The following MYO1E variants were observed in gnomAD, a reference collection of about 807,000 sequenced individuals.
MYO1E encodes the protein unconventional myosin-Ie.
In MYO1E, 68 loss-of-function variants were observed where a neutral mutation model predicts 151.1. The ratio of observed to expected loss-of-function variants is 0.45; its 90% confidence interval spans 0.37 to 0.55. The LOEUF is 0.55. Among genes scored for constraint, MYO1E ranks in the 20% least tolerant of loss-of-function variants. The pLI is 0.00. For missense variants in MYO1E, 1,363 were observed against 1,389.3 expected (o/e 0.98, Z 0.30); for synonymous variants, 601 against 501.7 (o/e 1.20, Z -2.64).
chr15:59,177,134 G>T (rs144999276), intron 19 of MYO1E, among the ~76,000 whole-genome samples: 1 of 152,138 alleles, frequency 6.6e-6, no homozygotes, highest in African/African-American at 2.4e-5. Flanking sequence ...GAAAGAACAG[G>T]AACTGTTCTG....
chr15:59,372,270 C>T (rs2080950880), intron 1 of MYO1E, among the ~76,000 whole-genome samples: 2 of 152,186 alleles, frequency 1.3e-5, no homozygotes, highest in Non-Finnish European at 1.5e-5. Context: ...GAAAGTTTCG[C>T]GACGCAGAAA....
In MYO1E at chr15:59,238,186, C is replaced by A. The variant is rs1293425490; in HGVS notation, c.333-1514G>T. Among the ~76,000 whole-genome samples, 2 of 152,186 alleles carry A rather than the reference C, an allele frequency of 1.3e-5. 1 individual carries two copies. The highest frequency in any genetic ancestry group is 2.9e-5 in the Non-Finnish European group (2 of 68,046). On this transcript the variant is annotated intron_variant, in intron 4 of 27. Coordinates refer to ENST00000288235, the MANE Select transcript of MYO1E (RefSeq NM_004998.4). ...CAACTAGGTCGGGCAAATTCAACTC[C>A]ATGGGGAAATTATCTTTTCAAATGG... is the stretch of plus-strand genomic sequence containing the variant.
chr15:59,256,835 G>C (rs1300373964), intron 3 of MYO1E, among the ~76,000 whole-genome samples: 1 of 152,138 alleles, frequency 6.6e-6, no homozygotes, highest in African/African-American at 2.4e-5. Context: ...TTTTCTAAGA[G>C]GCCACGTTGT....
rs2079710355 is a variant in MYO1E at position 59,188,153 on chromosome 15, A to G, written c.1869T>C (p.Tyr623=). The change falls in exon 18 of 28, where the codon TAT becomes TAC. Residue 623 remains tyrosine, a synonymous_variant. Coordinates refer to ENST00000288235, the MANE Select transcript of MYO1E (RefSeq NM_004998.4). ...ATTTTTGGAAGATGCGCCGATAGGC[A>G]TAGCCAGCTCTTCTCACTCGAATGT... The part of the protein sequence containing the change: ...KENIRVRRAG[Y]AYRRIFQKFL... 1 of 1,614,180 alleles carries G rather than the reference A, an allele frequency of 6.2e-7. No individual in the cohort carries two copies. The highest frequency in any genetic ancestry group is 1.1e-5 in the South Asian group (1 of 91,086).
rs1446646567 is a variant in MYO1E, at chr15:59,134,524, GTAGA to G, written c.*2852_*2855del. On this transcript the variant is annotated 3_prime_UTR_variant, in exon 28 of 28. Coordinates refer to ENST00000288235, the MANE Select transcript of MYO1E (RefSeq NM_004998.4). The stretch of plus-strand genomic sequence containing the variant: ...CTCTCTGTCTCACAGACGGCCATCA[GTAGA>G]GTGGATACCACCCTTATACAGACCT... The G allele has an allele frequency of 2.0e-5, 3 of 152,228 alleles. No individual in the cohort carries two copies. Among genetic ancestry groups the G allele is most frequent in the Non-Finnish European group, 2.9e-5 (2 of 68,078 alleles). 9.4% of individuals were successfully genotyped at this position (152,228 alleles called of 1,614,324 possible).
At chr15:59,341,438 A>T (rs779895491) in intron 1 of MYO1E, 1 of 151,994 alleles carries the variant, frequency 6.6e-6, no homozygotes. Flanking sequence ...GCTCTTATTC[A>T]TTCTATTATT....
intron 3 of MYO1E, among the ~76,000 whole-genome samples, chr15:59,259,675 T>C (rs1327367921): frequency 6.6e-6 from 1 of 152,246 alleles, no homozygotes; most frequent in East Asian, 1.9e-4. Context: ...GGGAAAGTCA[T>C]TGCCCAGTAA....
At chr15:59,360,208 T>G (rs1175734134) in intron 1 of MYO1E, among the ~76,000 whole-genome samples, 2 of 152,152 alleles carry the variant, frequency 1.3e-5, no homozygotes, top group African/African-American at 4.8e-5. Flanking sequence ...CCTGTACAAG[T>G]CCTGGGCACG....
Position 59,224,537 on chromosome 15 carries a change from A to G in MYO1E, c.777+152T>C, listed in dbSNP as rs1224882201. The G allele has an allele frequency of 2.4e-5, 25 of 1,025,626 alleles. No homozygotes were observed. The Middle Eastern group carries it at 9.2e-4, about 38-fold the overall frequency. 63.5% of individuals were successfully genotyped at this position (1,025,626 alleles called of 1,614,324 possible). A position where few individuals can be genotyped will look rare whatever the true frequency, so the allele number is the denominator to read the frequency against. On this transcript the variant is annotated intron_variant, in intron 8 of 27. Transcript: ENST00000288235. ...AACTGGCACATGGCTGTTTAAGGAT[A>G]CTGAAACATGTATGAGCATACAGAG...
In MYO1E at chr15:59,207,265, G is replaced by A. The variant is rs780812705; in HGVS notation, c.1530+1416C>T. Reference sequence around the variant, plus strand: ...GGATCTTGATGAAGACAAACTGAAGGGTGAGACGATGGATCTTCAACATGG... The same window carrying A: ...GGATCTTGATGAAGACAAACTGAAGAGTGAGACGATGGATCTTCAACATGG... On this transcript the variant is annotated intron_variant, in intron 14 of 27. Coordinates refer to ENST00000288235, the MANE Select transcript of MYO1E (RefSeq NM_004998.4). 2.7e-5 allele frequency: 43 copies of A among 1,614,156 alleles called. No homozygotes were observed. Among genetic ancestry groups the A allele is most frequent in the Non-Finnish European group, 3.6e-5 (43 of 1,180,030 alleles).
At chr15:59,216,929 TTC>T (rs200906063) in intron 10 of MYO1E, among the ~76,000 whole-genome samples, 2,231 of 151,556 alleles carry the variant, frequency 0.015, 53 homozygotes, top group African/African-American at 0.052. Flanking sequence ...TTCTTGCTCA[TTC>T]TCTCTTTCAG....
intron 15 of MYO1E, among the ~76,000 whole-genome samples, chr15:59,204,306 G>A (rs1037920902): frequency 6.6e-6 from 1 of 152,210 alleles, no homozygotes; most frequent in East Asian, 1.9e-4. Context: ...AGAAGTAAAC[G>A]GAGCAGAACA....
chr15:59,321,002 C>T (rs1183118864), intron 1 of MYO1E, among the ~76,000 whole-genome samples: 5 of 152,058 alleles, frequency 3.3e-5, no homozygotes, highest in Non-Finnish European at 7.4e-5. Flanking sequence ...AAAAAACAAA[C>T]AATCCCATTA....
At chr15:59,277,558 A>ACAACAAC (rs553908579) in intron 1 of MYO1E, among the ~76,000 whole-genome samples, 4 of 118,466 alleles carry the variant, frequency 3.4e-5, no homozygotes, top group African/African-American at 8.7e-5. Flanking sequence ...CAAAAAAAAA[A>ACAACAAC]AAAAAAAAAA....
chr15:59,289,263 T>G (rs2140395426), intron 1 of MYO1E, among the ~76,000 whole-genome samples: 1 of 152,310 alleles, frequency 6.6e-6, no homozygotes, highest in African/African-American at 2.4e-5. Flanking sequence ...AAGGCACTAT[T>G]TTGGATGCTT....
chr15:59,136,717 C>A lies in MYO1E; in HGVS notation c.*663G>T, dbSNP rs888769173. 11 of 456,528 alleles carry A rather than the reference C, an allele frequency of 2.4e-5. No individual in the cohort carries two copies. Among genetic ancestry groups the A allele is most frequent in the Non-Finnish European group, 4.4e-5 (10 of 226,834 alleles). The allele number at this position is 456,528 out of a possible 1,614,324, so 28.3% of individuals were successfully genotyped here. A position where few individuals can be genotyped will look rare whatever the true frequency, so the allele number is the denominator to read the frequency against. On this transcript the variant is annotated 3_prime_UTR_variant, in exon 28 of 28. Coordinates refer to ENST00000288235, the MANE Select transcript of MYO1E (RefSeq NM_004998.4). ...CAAACCAATATGGGCCAGCCACATT[C>A]TAATTGAAGACCCAGAGAAAGCAAA...
In MYO1E at chr15:59,143,914, G is replaced by A. The variant is rs539157098; in HGVS notation, c.3081-5547C>T. 1.3e-3 allele frequency among the ~76,000 whole-genome samples: 194 copies of A among 152,188 alleles called. 1 individual carries two copies. The highest frequency in any genetic ancestry group is 8.4e-4 in the Non-Finnish European group (57 of 68,012). On this transcript the variant is annotated intron_variant, in intron 26 of 27. Transcript: ENST00000288235. ...CTTCCTCATACTCTGGCAAACCCCCGGCCATACCCTCTCCTAGCCCACGGC... is the reference window on the plus strand; with the variant it reads ...CTTCCTCATACTCTGGCAAACCCCCAGCCATACCCTCTCCTAGCCCACGGC...
intron 26 of MYO1E, among the ~76,000 whole-genome samples, chr15:59,140,531 T>TG (rs1246617608): frequency 3.9e-5 from 6 of 152,210 alleles, no homozygotes; most frequent in South Asian, 2.1e-4. Context: ...CTCAACAGGG[T>TG]GGGGCTGGCT....
chr15:59,334,145 G>A (rs1414010266), intron 1 of MYO1E, among the ~76,000 whole-genome samples: 3 of 152,164 alleles, frequency 2.0e-5, no homozygotes, highest in Non-Finnish European at 2.9e-5. Flanking sequence ...GCCTGGCATG[G>A]TGGCACACGC....
Sources: allele counts gnomAD v4.1 joint callset (sites outside exome capture counted in the v4.1 genomes callset), GRCh38; gene constraint gnomAD v4.1.1; transcripts MANE v1.5; gene names NCBI Gene and HGNC (gene_info 2026-07-23, HGNC 2026-07-21).